The following DENND4C variants were observed in gnomAD, a reference collection of about 807,000 sequenced individuals.
DENND4C encodes DENN domain-containing protein 4C.
Under a neutral mutation model 203.0 loss-of-function variants are expected in DENND4C, and 108 were observed. The observed-to-expected ratio is 0.53, with a 90% confidence interval of 0.46 to 0.62. The LOEUF is 0.62. Ranked by LOEUF, DENND4C falls within the 20% of genes least tolerant of loss-of-function variation. DENND4C has a pLI of 0.00. For missense variants in DENND4C, 2,481 were observed against 2,301.2 expected (o/e 1.08, Z -1.60); for synonymous variants, 871 against 792.4 (o/e 1.10, Z -1.67).
At chr9:19,298,838 T>C (rs1257223508) in intron 7 of DENND4C, among the ~76,000 whole-genome samples, 2 of 152,194 alleles carry the variant, frequency 1.3e-5, no homozygotes, top group Non-Finnish European at 2.9e-5. Context: ...AGTCAGATAT[T>C]GTTGATCTTG....
intron 30 of DENND4C, among the ~76,000 whole-genome samples, chr9:19,369,569 C>G (rs896021253): frequency 6.6e-6 from 1 of 151,844 alleles, no homozygotes; most frequent in Non-Finnish European, 1.5e-5. Flanking sequence ...GAGTTTGAGA[C>G]CAACCTGGGC....
At chr9:19,371,873 A>C (rs1402295243) in intron 32 of DENND4C, 53 bp downstream of exon 32, 9 of 1,367,954 alleles carry the variant, frequency 6.6e-6, no homozygotes, top group Non-Finnish European at 8.1e-6. Flanking sequence ...TTATTTTCAA[A>C]AGTAATTTTT....
chr9:19,368,190 G>A (rs775232535), intron 30 of DENND4C, among the ~76,000 whole-genome samples: 11 of 151,728 alleles, frequency 7.2e-5, no homozygotes, highest in Admixed American at 3.9e-4. Flanking sequence ...CATTTAGCAG[G>A]TGGAAGACCT....
intron 1 of DENND4C, among the ~76,000 whole-genome samples, chr9:19,247,683 T>C (rs1243347525): frequency 2.0e-5 from 3 of 152,204 alleles, no homozygotes; most frequent in Admixed American, 2.0e-4. Context: ...TGTAAGCCAC[T>C]GTGCCCTGCC....
At chr9:19,366,914 A>C (rs976472302) in intron 30 of DENND4C, among the ~76,000 whole-genome samples, 1 of 152,264 alleles carries the variant, frequency 6.6e-6, no homozygotes, top group Non-Finnish European at 1.5e-5. Flanking sequence ...GTGAAAGGTC[A>C]ATCGACAGAT....
chr9:19,283,647 T>C (rs1299653874), intron 2 of DENND4C, among the ~76,000 whole-genome samples: 1 of 149,106 alleles, frequency 6.7e-6, no homozygotes, highest in Non-Finnish European at 1.5e-5. Flanking sequence ...GTTTCGTTCT[T>C]GTTGCTCAGG....
At chr9:19,241,883 C>T (rs1046628145) in intron 1 of DENND4C, among the ~76,000 whole-genome samples, 1 of 150,922 alleles carries the variant, frequency 6.6e-6, no homozygotes, top group African/African-American at 2.4e-5. Context: ...GGAGTGCACT[C>T]AAATGATGTT....
At chr9:19,363,575 C>T (rs915588398) in intron 30 of DENND4C, among the ~76,000 whole-genome samples, 1 of 152,062 alleles carries the variant, frequency 6.6e-6, no homozygotes, top group Middle Eastern at 3.2e-3. Flanking sequence ...ATTTAAAGGC[C>T]TTATCTCCAA....
chr9:19,346,890 CTTT>C lies in DENND4C; in HGVS notation c.4122_4124del (p.Leu1375del). The C allele has an allele frequency of 1.9e-6, 3 of 1,614,216 alleles. No homozygotes were observed. The highest frequency in any genetic ancestry group is 2.5e-6 in the Non-Finnish European group (3 of 1,180,044). ...CGAACTCATAAAGAACGTTCAACTT[CTTT>C]GTCAGCACTGGTGCGTTCTTCGCCA... On this transcript the variant is annotated inframe_deletion, in exon 23 of 33. Transcript: ENST00000434457.
rs570223170 is a variant in DENND4C at position 19,311,281 on chromosome 9, G to A, written c.1488-5136G>A. ...TGGGACCACAGGCATGCACCATCATGCCTGGCTAATTTTTTTGTATTTTTA... is the reference window on the plus strand; with the variant it reads ...TGGGACCACAGGCATGCACCATCATACCTGGCTAATTTTTTTGTATTTTTA... On this transcript the variant is annotated intron_variant, in intron 10 of 32. Transcript: ENST00000434457. 2.2e-3 allele frequency among the ~76,000 whole-genome samples: 341 copies of A among 152,082 alleles called. 4 individuals carry two copies. Among genetic ancestry groups the A allele is most frequent in the African/African-American group, 7.7e-3 (318 of 41,478 alleles).
chr9:19,278,100 G>T, intron 2 of DENND4C, among the ~76,000 whole-genome samples: 3 of 131,570 alleles, frequency 2.3e-5, no homozygotes, highest in Non-Finnish European at 3.2e-5. Context: ...TGAACACTTG[G>T]TTGCTGGTTG....
At chr9:19,292,088 G>C (rs776224253) in intron 5 of DENND4C, among the ~76,000 whole-genome samples, 6 of 151,638 alleles carry the variant, frequency 4.0e-5, no homozygotes, top group Non-Finnish European at 7.4e-5. Flanking sequence ...GCAGTGGTGC[G>C]ATCTCGGCTC....
At chr9:19,239,712 C>A (rs1450773999) in intron 1 of DENND4C, among the ~76,000 whole-genome samples, 1 of 152,190 alleles carries the variant, frequency 6.6e-6, no homozygotes, top group Non-Finnish European at 1.5e-5. Flanking sequence ...GTCTTGAACT[C>A]TTGACCTGAG....
intron 30 of DENND4C, among the ~76,000 whole-genome samples, chr9:19,365,721 G>GCCGAGATCCCGCCAC (rs1404466246): frequency 1.4e-4 from 21 of 150,348 alleles, no homozygotes; most frequent in Admixed American, 4.7e-4. Context: ...AACTGCATAA[G>GCCGAGATCCCGCCAC]TTCAGCAAGG....
intron 1 of DENND4C, among the ~76,000 whole-genome samples, chr9:19,233,282 C>A (rs1821038826): frequency 6.6e-6 from 1 of 151,990 alleles, no homozygotes; most frequent in Admixed American, 6.6e-5. Context: ...TATACTGGTG[C>A]CATAGATTGT....
chr9:19,277,745 G>GATTTTA, intron 2 of DENND4C, among the ~76,000 whole-genome samples: 1 of 152,138 alleles, frequency 6.6e-6, no homozygotes, highest in South Asian at 2.1e-4. Context: ...GATTTTAGGT[G>GATTTTA]GAAAGCTTTC....
intron 1 of DENND4C, among the ~76,000 whole-genome samples, chr9:19,274,279 A>T (rs1461420425): frequency 1.3e-5 from 2 of 151,810 alleles, no homozygotes; most frequent in African/African-American, 2.4e-5. Flanking sequence ...GAAAATTTTG[A>T]TGTTGATGGA....
At chr9:19,269,892 C>T (rs1174782512) in intron 1 of DENND4C, among the ~76,000 whole-genome samples, 1 of 152,102 alleles carries the variant, frequency 6.6e-6, no homozygotes, top group Non-Finnish European at 1.5e-5. Flanking sequence ...TGTACCCATC[C>T]TTCTAGAAAA....
At chr9:19,235,948 AT>A (rs1451846021) in intron 1 of DENND4C, among the ~76,000 whole-genome samples, 1 of 151,162 alleles carries the variant, frequency 6.6e-6, no homozygotes, top group African/African-American at 2.4e-5. Flanking sequence ...TTTTTGTAAT[AT>A]TTAAAGGTTG....
Sources: allele counts gnomAD v4.1 joint callset (sites outside exome capture counted in the v4.1 genomes callset), GRCh38; gene constraint gnomAD v4.1.1; transcripts MANE v1.5; gene names NCBI Gene and HGNC (gene_info 2026-07-23, HGNC 2026-07-21).